The following ANKS1B variants were observed in gnomAD, a reference collection of about 807,000 sequenced individuals.
ANKS1B encodes the protein ankyrin repeat and sterile alpha motif domain-containing protein 1B.
Under a neutral mutation model 148.3 loss-of-function variants are expected in ANKS1B, and 36 were observed. The ratio of observed to expected loss-of-function variants is 0.24; its 90% confidence interval spans 0.19 to 0.32. The LOEUF (loss-of-function observed/expected upper bound fraction) is 0.32, where lower values mean the gene tolerates loss of function less well. ANKS1B is among the 10% of genes least tolerant of loss of function. The pLI is 1.00. For synonymous variants in ANKS1B, 542 were observed against 560.8 expected, an observed-to-expected ratio of 0.97 and a Z score of 0.47; for missense variants, 1,157 against 1,542.6, an observed-to-expected ratio of 0.75 and a Z score of 4.19.
intron 9 of ANKS1B, among the ~76,000 whole-genome samples, chr12:99,646,428 C>T (rs995254303): frequency 4.4e-4 from 67 of 152,038 alleles, no homozygotes; most frequent in African/African-American, 1.3e-3. Flanking sequence ...GGGGCCAAGG[C>T]GGGCGAATCA....
intron 8 of ANKS1B, among the ~76,000 whole-genome samples, chr12:99,667,799 T>G (rs1254222565): frequency 2.6e-5 from 4 of 152,228 alleles, no homozygotes; most frequent in African/African-American, 9.6e-5. Flanking sequence ...ATGACTGATA[T>G]GATCATAAGG....
At chr12:99,414,634 G>C (rs955293907) in intron 11 of ANKS1B, among the ~76,000 whole-genome samples, 2 of 152,116 alleles carry the variant, frequency 1.3e-5, no homozygotes, top group Non-Finnish European at 2.9e-5. Context: ...TGAACAATTA[G>C]AACACGTGGA....
At chr12:98,975,351 T>TCCCTCCCTCCCTTCCTG (rs1438291408) in intron 17 of ANKS1B, among the ~76,000 whole-genome samples, 5 of 149,386 alleles carry the variant, frequency 3.3e-5, no homozygotes, top group African/African-American at 1.2e-4. Flanking sequence ...TCTCCTTCCT[T>TCCCTCCCTCCCTTCCTG]CCCTCCCTCC....
chr12:99,176,656 A>G (rs7953436), intron 14 of ANKS1B, among the ~76,000 whole-genome samples: 11,098 of 152,180 alleles, frequency 0.073, 1,302 homozygotes, highest in African/African-American at 0.25. Flanking sequence ...ATCCCTCATG[A>G]ATGGCTTGGG....
chr12:99,146,183 C>G (rs1405134787), intron 15 of ANKS1B, among the ~76,000 whole-genome samples: 1 of 152,016 alleles, frequency 6.6e-6, no homozygotes, highest in Non-Finnish European at 1.5e-5. Flanking sequence ...CTGTGGTAGG[C>G]TTTAGGACTA....
intron 14 of ANKS1B, 100 bp from the exon 15 acceptor site, chr12:99,154,495 C>G (rs1348882086): frequency 3.7e-6 from 6 of 1,609,130 alleles, no homozygotes; most frequent in Non-Finnish European, 4.2e-6. Flanking sequence ...CACATCATGC[C>G]CCTGGGAAAG....
intron 9 of ANKS1B, among the ~76,000 whole-genome samples, chr12:99,506,988 T>C (rs2096718354): frequency 6.6e-6 from 1 of 151,950 alleles, no homozygotes; most frequent in Non-Finnish European, 1.5e-5. Flanking sequence ...TAGAATCTAA[T>C]ACAGGTCCTG....
intron 9 of ANKS1B, 57 bp from the exon 10 acceptor site, chr12:99,504,698 T>C (rs530940469): frequency 7.7e-7 from 1 of 1,292,860 alleles, no homozygotes; most frequent in Non-Finnish European, 1.0e-6. Flanking sequence ...CTTGTTTAAT[T>C]TATAAAAACT....
intron 15 of ANKS1B, among the ~76,000 whole-genome samples, chr12:99,089,706 C>T (rs2053397954): frequency 1.3e-5 from 2 of 152,174 alleles, no homozygotes; most frequent in African/African-American, 2.4e-5. Flanking sequence ...AGCAAATTCT[C>T]TTTTAATTCT....
intron 1 of ANKS1B, among the ~76,000 whole-genome samples, chr12:99,827,116 C>A (rs1466302272): frequency 6.6e-6 from 1 of 151,842 alleles, no homozygotes; most frequent in African/African-American, 2.4e-5. Flanking sequence ...AAGACCCTGC[C>A]ACCCCCACAA....
chr12:98,745,902 C>T lies in ANKS1B; in HGVS notation c.3748-53G>A, dbSNP rs747171296. The T allele has an allele frequency of 2.5e-6, 4 of 1,572,314 alleles. No homozygotes were observed. In the Admixed American group the frequency reaches 5.6e-5, roughly 22 times the overall value. On this transcript the variant is annotated intron_variant, in intron 26 of 26. Coordinates refer to ENST00000683438, the MANE Select transcript of ANKS1B (RefSeq NM_001352186.2). ...TATACGGTCGCCGCGCGGGTGCGCGCATGCACGCGGACGCCGCTGGCGAAC... is the reference window on the plus strand; with the variant it reads ...TATACGGTCGCCGCGCGGGTGCGCGTATGCACGCGGACGCCGCTGGCGAAC...
chr12:98,912,628 T>C (rs775123968), intron 17 of ANKS1B, among the ~76,000 whole-genome samples: 12 of 152,230 alleles, frequency 7.9e-5, no homozygotes, highest in Non-Finnish European at 1.6e-4. Flanking sequence ...ATCTGGCATA[T>C]AGAACTGTTG....
At chr12:99,428,998 G>T (rs1297949076) in intron 11 of ANKS1B, among the ~76,000 whole-genome samples, 1 of 152,078 alleles carries the variant, frequency 6.6e-6, no homozygotes, top group Non-Finnish European at 1.5e-5. Flanking sequence ...AATAATAATG[G>T]AGTATAACTA....
At chr12:98,789,347 AAAAC>A (rs2098826792) in intron 22 of ANKS1B, among the ~76,000 whole-genome samples, 1 of 152,166 alleles carries the variant, frequency 6.6e-6, no homozygotes, top group Non-Finnish European at 1.5e-5. Context: ...AACAAAAACA[AAAAC>A]AAAAAACCTG....
rs2098628385 is a variant in ANKS1B at position 99,682,703 on chromosome 12, AAAG to A, written c.1129-27496_1129-27494del. ...AAGGTCACACTTCAAGGAACTAGAGAAAGAAGAACAAGCCAAACCCAAACCCAG... is the reference window on the plus strand; with the variant it reads ...AAGGTCACACTTCAAGGAACTAGAGAAAGAACAAGCCAAACCCAAACCCAG... On this transcript the variant is annotated intron_variant, in intron 8 of 26. Transcript: ENST00000683438. Among the ~76,000 whole-genome samples, 5 of 152,296 alleles carry A rather than the reference AAAG, an allele frequency of 3.3e-5. No homozygotes were observed. The South Asian group carries it at 1.0e-3, about 32-fold the overall frequency.
chr12:99,494,911 A>G (rs1479203581), intron 10 of ANKS1B, among the ~76,000 whole-genome samples: 1 of 152,134 alleles, frequency 6.6e-6, no homozygotes, highest in Non-Finnish European at 1.5e-5. Flanking sequence ...GGAAGGTTAC[A>G]GGGCAGTTGC....
intron 12 of ANKS1B, among the ~76,000 whole-genome samples, chr12:99,358,756 A>G (rs2092245956): frequency 6.6e-6 from 1 of 152,126 alleles, no homozygotes; most frequent in Non-Finnish European, 1.5e-5. Context: ...CAAATATTAT[A>G]GAATGCCCTA....
intron 10 of ANKS1B, among the ~76,000 whole-genome samples, chr12:99,487,606 C>T (rs976617436): frequency 7.2e-6 from 1 of 139,514 alleles, no homozygotes; most frequent in Admixed American, 7.3e-5. Context: ...ATTTATAAGA[C>T]ATTCAATATG....
In ANKS1B at chr12:99,543,748, G is replaced by A. The variant is rs182768071; in HGVS notation, c.1273-39107C>T. Among the ~76,000 whole-genome samples the A allele has an allele frequency of 4.6e-4, 68 of 149,198 alleles. No individual in the cohort carries two copies. In the East Asian group the frequency reaches 0.012, roughly 27 times the overall value. On this transcript the variant is annotated intron_variant, in intron 9 of 26. Transcript: ENST00000683438. ...CATTATGCTAAGTGAGAAAAAAACAGATAGAAAAGGCCACATATTACACGA... is the reference window on the plus strand; with the variant it reads ...CATTATGCTAAGTGAGAAAAAAACAAATAGAAAAGGCCACATATTACACGA...
Sources: allele counts gnomAD v4.1 joint callset (sites outside exome capture counted in the v4.1 genomes callset), GRCh38; gene constraint gnomAD v4.1.1; transcripts MANE v1.5; gene names NCBI Gene and HGNC (gene_info 2026-07-23, HGNC 2026-07-21).